ADARB2: variants seen among roughly 807,000 people sequenced by gnomAD.
ADARB2 encodes adenosine deaminase RNA specific B2 (inactive).
A neutral mutation model predicts 62.2 loss-of-function variants in ADARB2; 25 were observed. That is an observed-to-expected ratio of 0.40 (90% CI 0.29 to 0.56). The LOEUF is 0.56. Ranked by LOEUF, ADARB2 falls within the 20% of genes least tolerant of loss-of-function variation. The probability of loss-of-function intolerance (pLI) is 0.43; values close to 1 mark genes in which losing one functional copy is unlikely to be tolerated. For synonymous variants in ADARB2, 572 were observed against 500.8 expected (o/e 1.14, Z -1.90); for missense variants, 1,071 against 1,077.4 (o/e 0.99, Z 0.08).
At position 1,639,965 on chromosome 10, in the gene ADARB2, T is replaced by C. The variant is rs531006772; in HGVS notation, c.100+97086A>G. 3.9e-5 allele frequency among the ~76,000 whole-genome samples: 6 copies of C among 152,284 alleles called. No homozygotes were observed. In the East Asian group the frequency reaches 1.2e-3, roughly 29 times the overall value. On this transcript the variant is annotated intron_variant, in intron 1 of 9. Coordinates refer to ENST00000381312, the MANE Select transcript of ADARB2 (RefSeq NM_018702.4). ...CCTTCTAACAGGCACAGTGGTTCTTTGTGGAACCACTCAGAAAAAAACTTC... is the reference window on the plus strand; with the variant it reads ...CCTTCTAACAGGCACAGTGGTTCTTCGTGGAACCACTCAGAAAAAAACTTC...
intron 3 of ADARB2, among the ~76,000 whole-genome samples, chr10:1,275,770 C>G (rs1223250097): frequency 6.6e-6 from 1 of 150,814 alleles, no homozygotes; most frequent in East Asian, 2.0e-4. Context: ...GGTCTTTTGA[C>G]TTTGCAATAG....
intron 1 of ADARB2, among the ~76,000 whole-genome samples, chr10:1,403,170 T>G (rs949105528): frequency 6.6e-6 from 1 of 152,058 alleles, no homozygotes. Flanking sequence ...CTCAACTCGT[T>G]TTTTCTTTTC....
intron 1 of ADARB2, among the ~76,000 whole-genome samples, chr10:1,678,793 C>A (rs547664769): frequency 6.6e-6 from 1 of 152,126 alleles, no homozygotes; most frequent in African/African-American, 2.4e-5. Flanking sequence ...GTTCCAACAC[C>A]GAGAAGCTGC....
chr10:1,510,318 T>C (rs1169785510), intron 1 of ADARB2, among the ~76,000 whole-genome samples: 1 of 152,040 alleles, frequency 6.6e-6, no homozygotes, highest in Non-Finnish European at 1.5e-5. Flanking sequence ...GTAGCTGGAA[T>C]GACAGCTGCG....
chr10:1,279,318 TTGTC>T (rs1831350174), intron 3 of ADARB2, among the ~76,000 whole-genome samples: 3 of 151,234 alleles, frequency 2.0e-5, no homozygotes, highest in South Asian at 4.2e-4. Flanking sequence ...GTTTGTTTGT[TTGTC>T]TGTTTGATTT....
intron 1 of ADARB2, among the ~76,000 whole-genome samples, chr10:1,705,726 G>A (rs141658472): frequency 9.2e-4 from 140 of 152,294 alleles, no homozygotes; most frequent in Middle Eastern, 6.8e-3. Flanking sequence ...ACAAAGAAGC[G>A]TGTGAGGCCT....
intron 1 of ADARB2, among the ~76,000 whole-genome samples, chr10:1,636,477 A>G (rs1335489678): frequency 6.6e-6 from 1 of 152,148 alleles, no homozygotes; most frequent in Non-Finnish European, 1.5e-5. Context: ...TGATTGCACC[A>G]TTGCACTCTA....
chr10:1,538,344 G>A lies in ADARB2; in HGVS notation c.101-159184C>T, dbSNP rs368218033. Among the ~76,000 whole-genome samples, 767 of 152,302 alleles carry A rather than the reference G, an allele frequency of 5.0e-3. 2 individuals carry two copies. The highest frequency in any genetic ancestry group is 0.01 in the Middle Eastern group (3 of 294). On this transcript the variant is annotated intron_variant, in intron 1 of 9. Transcript: ENST00000381312. Reference sequence around the variant, plus strand: ...CTTGATCTGGGACTGGCCAGACTGCGAAGCCCCTTCCAGAGCACAAGCCGG... The same window carrying A: ...CTTGATCTGGGACTGGCCAGACTGCAAAGCCCCTTCCAGAGCACAAGCCGG...
chr10:1,734,458 TA>T (rs1387005416), intron 1 of ADARB2, among the ~76,000 whole-genome samples: 4 of 152,204 alleles, frequency 2.6e-5, no homozygotes, highest in African/African-American at 9.7e-5. Context: ...CGGCATGCTT[TA>T]TTTCAGAGCT....
At chr10:1,321,436 A>C (rs1019150955) in intron 3 of ADARB2, among the ~76,000 whole-genome samples, 2 of 152,162 alleles carry the variant, frequency 1.3e-5, no homozygotes, top group African/African-American at 4.8e-5. Flanking sequence ...GCTGGAGTGC[A>C]GTGACACGAT....
At chr10:1,597,724 AG>A (rs1247707439) in intron 1 of ADARB2, among the ~76,000 whole-genome samples, 1 of 152,244 alleles carries the variant, frequency 6.6e-6, no homozygotes, top group Non-Finnish European at 1.5e-5. Context: ...GATTTTGCAA[AG>A]AACTAAAAAT....
intron 1 of ADARB2, among the ~76,000 whole-genome samples, chr10:1,481,649 G>T (rs1281721509): frequency 1.3e-5 from 2 of 151,506 alleles, no homozygotes; most frequent in African/African-American, 2.4e-5. Flanking sequence ...ACGAGGTCAG[G>T]AGTTCAAGAC....
intron 3 of ADARB2, among the ~76,000 whole-genome samples, chr10:1,304,081 A>C (rs1387422549): frequency 2.7e-5 from 4 of 150,902 alleles, no homozygotes; most frequent in African/African-American, 9.7e-5. Flanking sequence ...CAGACTGGCA[A>C]ATTGGATAAA....
chr10:1,441,016 CACTGGTGG>C (rs1399262918), intron 1 of ADARB2, among the ~76,000 whole-genome samples: 1 of 152,220 alleles, frequency 6.6e-6, no homozygotes, highest in African/African-American at 2.4e-5. Flanking sequence ...TTTATGGGTT[CACTGGTGG>C]ACCAGTTTCT....
chr10:1,646,108 C>A (rs1834037921), intron 1 of ADARB2, among the ~76,000 whole-genome samples: 1 of 152,190 alleles, frequency 6.6e-6, no homozygotes, highest in Non-Finnish European at 1.5e-5. Flanking sequence ...CATGTGGACT[C>A]TACAAGGTGC....
chr10:1,218,089 T>C (rs947073220), intron 6 of ADARB2, among the ~76,000 whole-genome samples: 20 of 152,326 alleles, frequency 1.3e-4, no homozygotes, highest in African/African-American at 4.8e-4. Context: ...CTCGCTCTCT[T>C]ACCCAGGCTG....
chr10:1,621,418 TTC>T (rs1833702708), intron 1 of ADARB2, among the ~76,000 whole-genome samples: 1 of 144,270 alleles, frequency 6.9e-6, no homozygotes, highest in African/African-American at 2.9e-5. Context: ...TTTTCTTTCT[TTC>T]TTTTTTTTTT....
chr10:1,211,036 G>A (rs942975456), intron 7 of ADARB2, among the ~76,000 whole-genome samples: 1 of 152,160 alleles, frequency 6.6e-6, no homozygotes, highest in Admixed American at 6.5e-5. Flanking sequence ...ATGGCGCTGT[G>A]AGGGGTTCAA....
At chr10:1,184,145 C>T (rs374723793) in intron 9 of ADARB2, among the ~76,000 whole-genome samples, 3 of 152,168 alleles carry the variant, frequency 2.0e-5, no homozygotes, top group East Asian at 1.9e-4. Flanking sequence ...TTGGCTAAAA[C>T]GTTTATTTTA....
Sources: gnomAD v4.1 joint callset for allele counts (sites outside exome capture counted in the v4.1 genomes callset) on GRCh38, gnomAD v4.1.1 for gene constraint, MANE v1.5 for transcripts, NCBI Gene and HGNC (gene_info 2026-07-23, HGNC 2026-07-21) for gene names.